The following DAB1 variants were observed in gnomAD, a reference collection of about 807,000 sequenced individuals.
The protein encoded by DAB1 is DAB adaptor protein 1.
DAB1 carries 15 observed loss-of-function variants against 64.6 expected under a neutral mutation model. The ratio of observed to expected loss-of-function variants is 0.23; its 90% CI spans 0.16 to 0.36. The LOEUF (loss-of-function observed/expected upper bound fraction) is 0.36, where lower values mean the gene tolerates loss of function less well. Among genes scored for constraint, DAB1 ranks in the 10% least tolerant of loss-of-function variants. DAB1 has a pLI of 1.00. For synonymous variants in DAB1, 235 were observed against 251.9 expected, an observed-to-expected ratio of 0.93 and a Z score of 0.64; for missense variants, 596 against 706.7, an observed-to-expected ratio of 0.84 and a Z score of 1.78.
chr1:57,521,615 C>T (rs2101382598), intron 7 of DAB1, among the ~76,000 whole-genome samples: 1 of 152,290 alleles, frequency 6.6e-6, no homozygotes, highest in African/African-American at 2.4e-5. Context: ...ATGCATTTAT[C>T]TTCATTCCCT....
At chr1:57,565,755 G>T (rs1645112277) in intron 7 of DAB1, among the ~76,000 whole-genome samples, 1 of 152,136 alleles carries the variant, frequency 6.6e-6, no homozygotes, top group East Asian at 1.9e-4. Flanking sequence ...CCCAATACAG[G>T]AGCACCCAGA....
chr1:57,327,810 T>C (rs974359408), intron 1 of DAB1, among the ~76,000 whole-genome samples: 1 of 152,146 alleles, frequency 6.6e-6, no homozygotes, highest in Admixed American at 6.5e-5. Flanking sequence ...TTGCCAGAGT[T>C]ACTTTTCCTA....
intron 7 of DAB1, among the ~76,000 whole-genome samples, chr1:57,596,500 T>C (rs1270966376): frequency 1.3e-5 from 2 of 152,072 alleles, no homozygotes; most frequent in Admixed American, 6.6e-5. Context: ...TGGATTTTTT[T>C]TTTTAAAGAG....
intron 5 of DAB1, among the ~76,000 whole-genome samples, chr1:57,958,815 A>G (rs1384281791): frequency 2.0e-5 from 3 of 152,036 alleles, no homozygotes; most frequent in Non-Finnish European, 2.9e-5. Context: ...TCTTCCTTCT[A>G]TGCTTTTCTC....
At chr1:57,593,106 C>G (rs866179979) in intron 7 of DAB1, among the ~76,000 whole-genome samples, 1 of 152,196 alleles carries the variant, frequency 6.6e-6, no homozygotes, top group African/African-American at 2.4e-5. Context: ...CAGCACTCTT[C>G]TTATCTTGCA....
intron 2 of DAB1, among the ~76,000 whole-genome samples, chr1:57,281,709 T>C (rs1671907868): frequency 6.6e-6 from 1 of 152,040 alleles, no homozygotes; most frequent in African/African-American, 2.4e-5. Context: ...GGCTTGGAGA[T>C]GGACAGCAGT....
chr1:58,525,747 G>C (rs1315509972), intron 2 of DAB1, among the ~76,000 whole-genome samples: 1 of 152,052 alleles, frequency 6.6e-6, no homozygotes, highest in African/African-American at 2.4e-5. Flanking sequence ...GAAATGCAAA[G>C]ATCCAAGAAG....
intron 1 of DAB1, among the ~76,000 whole-genome samples, chr1:57,308,241 G>A (rs967414558): frequency 5.3e-5 from 8 of 152,096 alleles, no homozygotes; most frequent in Non-Finnish European, 8.8e-5. Flanking sequence ...AGCTTCCAGA[G>A]AGCAGCAAGC....
intron 5 of DAB1, among the ~76,000 whole-genome samples, chr1:58,017,991 T>A (rs1167832350): frequency 6.6e-6 from 1 of 152,200 alleles, no homozygotes; most frequent in Admixed American, 6.5e-5. Flanking sequence ...CATTAAGCCA[T>A]TTTCAGACAA....
At chr1:58,298,588 G>A (rs1034811389) in intron 4 of DAB1, among the ~76,000 whole-genome samples, 1 of 152,236 alleles carries the variant, frequency 6.6e-6, no homozygotes, top group Non-Finnish European at 1.5e-5. Context: ...AGCTGCAGGT[G>A]CGGCAGACAT....
At chr1:58,466,627 C>T (rs1182550155) in intron 3 of DAB1, among the ~76,000 whole-genome samples, 1 of 152,126 alleles carries the variant, frequency 6.6e-6, no homozygotes, top group Non-Finnish European at 1.5e-5. Context: ...GAGAGGCTGC[C>T]GTTTCTTGAA....
chr1:58,228,712 C>G (rs778063921), intron 4 of DAB1: 24 of 1,133,326 alleles, frequency 2.1e-5, no homozygotes, highest in African/African-American at 3.1e-5. Flanking sequence ...CCCTGGGGTT[C>G]TTGGACCTTC....
At chr1:58,331,005 G>A (rs1236637573) in intron 4 of DAB1, among the ~76,000 whole-genome samples, 1 of 152,224 alleles carries the variant, frequency 6.6e-6, no homozygotes, top group Non-Finnish European at 1.5e-5. Flanking sequence ...GGCTATAGCT[G>A]CCATAGACTG....
chr1:57,847,090 T>A (rs1653320824), intron 1 of DAB1, among the ~76,000 whole-genome samples: 1 of 152,148 alleles, frequency 6.6e-6, no homozygotes, highest in South Asian at 2.1e-4. Context: ...ACAGCTGTGA[T>A]AAGGTGGCTC....
chr1:58,527,414 A>G (rs1201680831), intron 1 of DAB1: 2 of 758,856 alleles, frequency 2.6e-6, no homozygotes, highest in Non-Finnish European at 4.8e-6. Flanking sequence ...GATTTTTAAA[A>G]AACAGTTTCA....
intron 6 of DAB1, among the ~76,000 whole-genome samples, chr1:57,689,871 T>C (rs1000454122): frequency 6.6e-6 from 1 of 152,188 alleles, no homozygotes; most frequent in Non-Finnish European, 1.5e-5. Flanking sequence ...TTCTTCTTTT[T>C]TCCATTAACT....
intron 4 of DAB1, among the ~76,000 whole-genome samples, chr1:58,164,018 G>A (rs184105766): frequency 2.5e-4 from 38 of 152,170 alleles, no homozygotes; most frequent in Admixed American, 2.4e-3. Flanking sequence ...TGTCCACTCT[G>A]ACTGCTGAGC....
chr1:57,890,949 C>T (rs1159107863), intron 5 of DAB1, among the ~76,000 whole-genome samples: 2 of 152,058 alleles, frequency 1.3e-5, no homozygotes, highest in Non-Finnish European at 2.9e-5. Flanking sequence ...AAATATATGC[C>T]CTTGCCAAAG....
chr1:58,316,253 C>T (rs1440200718), intron 4 of DAB1, among the ~76,000 whole-genome samples: 1 of 152,220 alleles, frequency 6.6e-6, no homozygotes, highest in African/African-American at 2.4e-5. Context: ...AGATCTGAAG[C>T]TGCACACTTA....
Sources: allele counts gnomAD v4.1 joint callset (sites outside exome capture counted in the v4.1 genomes callset), GRCh38; gene constraint gnomAD v4.1.1; transcripts MANE v1.5; gene names NCBI Gene and HGNC (gene_info 2026-07-23, HGNC 2026-07-21).